The following MLLT6 variants were observed in gnomAD, a reference collection of about 807,000 sequenced individuals.
The protein encoded by MLLT6 is protein AF-17.
MLLT6 carries 22 observed loss-of-function variants against 103.0 expected under a neutral mutation model. The ratio of observed to expected loss-of-function variants is 0.21; its 90% CI spans 0.15 to 0.31. The LOEUF (loss-of-function observed/expected upper bound fraction) is 0.31, where lower values mean the gene tolerates loss of function less well. MLLT6 is among the 10% of genes least tolerant of loss of function. The probability of loss-of-function intolerance (pLI) is 1.00; values close to 1 mark genes in which losing one functional copy is unlikely to be tolerated. For synonymous variants in MLLT6, 606 were observed against 623.5 expected (o/e 0.97, Z 0.42); for missense variants, 1,199 against 1,441.7 (o/e 0.83, Z 2.73).
intron 8 of MLLT6, chr17:38,715,191 C>T (rs1905282697): frequency 6.1e-6 from 1 of 163,828 alleles, no homozygotes; most frequent in South Asian, 1.8e-4. Context: ...CAGGATGGCA[C>T]CAGAGAAGCC....
At chr17:38,719,487 A>T in intron 12 of MLLT6, 30 bp from the exon 13 acceptor site, 1 of 1,582,438 alleles carries the variant, frequency 6.3e-7, no homozygotes, top group Non-Finnish European at 8.6e-7. Flanking sequence ...CCACTCCTCC[A>T]CGCTGATCCC....
chr17:38,717,124 T>TC (rs1905386065), intron 10 of MLLT6, 143 bp downstream of exon 10: 1 of 1,259,038 alleles, frequency 7.9e-7, no homozygotes, highest in South Asian at 1.5e-5. Flanking sequence ...CTTCAGGACA[T>TC]CCCCCTCTGC....
rs1905695523 is a variant in MLLT6 at position 38,720,923 on chromosome 17, G to T, written c.2442+176G>T. On this transcript the variant is annotated intron_variant, in intron 16 of 19. Transcript: ENST00000621332. Reference sequence around the variant, plus strand: ...TTTATGAGGTGCCCACTTAGTGCCAGCCATTGGCTAAGCAATCAGTGAGCA... The same window carrying T: ...TTTATGAGGTGCCCACTTAGTGCCATCCATTGGCTAAGCAATCAGTGAGCA... 14 of 638,396 alleles carry T rather than the reference G, an allele frequency of 2.2e-5. No homozygotes were observed. The Admixed American group carries it at 2.3e-4, about 10-fold the overall frequency. 39.5% of individuals were successfully genotyped at this position (638,396 alleles called of 1,614,324 possible).
chr17:38,709,136 T>G lies in MLLT6; in HGVS notation c.355-37T>G, dbSNP rs1282980295. 6.5e-7 allele frequency: 1 copy of G among 1,534,340 alleles called. No individual in the cohort carries two copies. Among genetic ancestry groups the G allele is most frequent in the Admixed American group, 1.8e-5 (1 of 55,732 alleles). ...TAAGGACCATCAGTAGAACAGGGGCTCCCTGGAGGAGGGGACGATTGCGCT... is the reference window on the plus strand; with the variant it reads ...TAAGGACCATCAGTAGAACAGGGGCGCCCTGGAGGAGGGGACGATTGCGCT... On this transcript the variant is annotated intron_variant, in intron 4 of 19. Coordinates refer to ENST00000621332, the MANE Select transcript of MLLT6 (RefSeq NM_005937.4). The surrounding 1 kb of genome is among the most constrained non-coding windows in gnomAD (Gnocchi z 4.3).
intron 18 of MLLT6, among the ~76,000 whole-genome samples, chr17:38,723,096 G>T (rs1426935271): frequency 1.3e-5 from 2 of 152,208 alleles, no homozygotes; most frequent in Admixed American, 6.5e-5. Flanking sequence ...AAACTCCAGG[G>T]TCTGAGTGGC....
At chr17:38,722,259 C>T in intron 17 of MLLT6, 32 bp downstream of exon 17, 1 of 1,345,782 alleles carries the variant, frequency 7.4e-7, no homozygotes, top group Non-Finnish European at 9.6e-7. Flanking sequence ...GGAAGGGGAA[C>T]AGGGTGGGGG....
At chr17:38,718,307 G>T in intron 12 of MLLT6, 1 of 213,408 alleles carries the variant, frequency 4.7e-6, no homozygotes, top group Non-Finnish European at 9.3e-6. Flanking sequence ...CGTGGGAGGC[G>T]GAGGTTGCAG....
chr17:38,720,320 G>GGCCC, intron 14 of MLLT6, 52 bp from the exon 15 acceptor site: 4 of 735,420 alleles, frequency 5.4e-6, no homozygotes, highest in South Asian at 1.7e-5. Flanking sequence ...CGGTCCCCTG[G>GGCCC]CCCCGCCTCC....
Position 38,728,128 on chromosome 17 carries a change from T to C in MLLT6, c.*2530T>C, listed in dbSNP as rs1024882302. ...GACTACTGTGGCGGTTAGGTTAGAT[T>C]TGAAGACGGGGCCCAGGCTGGGTAT... On this transcript the variant is annotated 3_prime_UTR_variant, in exon 20 of 20. Coordinates refer to ENST00000621332, the MANE Select transcript of MLLT6 (RefSeq NM_005937.4). 3.9e-5 allele frequency: 9 copies of C among 233,226 alleles called. No homozygotes were observed. The highest frequency in any genetic ancestry group is 2.0e-4 in the African/African-American group (9 of 45,334). The allele number at this position is 233,226 out of a possible 1,614,324, so 14.4% of individuals were successfully genotyped here. A position where few individuals can be genotyped will look rare whatever the true frequency, so the allele number is the denominator to read the frequency against.
Sources: gnomAD v4.1 joint callset for allele counts (sites outside exome capture counted in the v4.1 genomes callset) on GRCh38, gnomAD v4.1.1 for gene constraint, Gnocchi (gnomAD v3.1) non-coding constraint, MANE v1.5 for transcripts, NCBI Gene and HGNC (gene_info 2026-07-23, HGNC 2026-07-21) for gene names.